TNRC6B: variants seen among roughly 807,000 people sequenced by gnomAD.
TNRC6B encodes the protein trinucleotide repeat containing adaptor 6B, also known as trinucleotide repeat-containing gene 6B protein.
Under a neutral mutation model 203.6 loss-of-function variants are expected in TNRC6B, and 52 were observed. The observed-to-expected ratio is 0.26, with a 90% CI of 0.20 to 0.32. TNRC6B has a LOEUF of 0.32. Ranked by LOEUF, TNRC6B falls within the 10% of genes least tolerant of loss-of-function variation. The pLI is 1.00. For synonymous variants in TNRC6B, 838 were observed against 845.7 expected (o/e 0.99, Z 0.16); for missense variants, 1,923 against 2,286.2 (o/e 0.84, Z 3.24).
rs1410269636 is a variant in TNRC6B, at chr22:40,059,488, TGAACA to T, written c.-121+14494_-121+14498del. 2.0e-5 allele frequency among the ~76,000 whole-genome samples: 3 copies of T among 152,348 alleles called. No homozygotes were observed. The East Asian group carries it at 5.8e-4, about 29-fold the overall frequency. The stretch of plus-strand genomic sequence containing the variant: ...CTGGCTAGTACTTCGAGTACCATGC[TGAACA>T]GAAGTGATACGAGTGGGCATTCTTG... On this transcript the variant is annotated intron_variant, in intron 1 of 23. Coordinates refer to the TNRC6B transcript ENST00000301923.
rs1223063876 is a variant in TNRC6B, at chr22:40,323,443, A to G, written c.*202A>G. ...TATAACTTCAGTTTTTTCGTTTGGA[A>G]TATGAATCCAAAAAGAGAACATATC... On this transcript the variant is annotated 3_prime_UTR_variant, in exon 23 of 23. Coordinates refer to ENST00000454349, the MANE Select transcript of TNRC6B (RefSeq NM_001162501.2). 2 of 552,196 alleles carry G rather than the reference A, an allele frequency of 3.6e-6. No homozygotes were observed. Among genetic ancestry groups the G allele is most frequent in the Admixed American group, 3.8e-5 (1 of 26,610 alleles). 34.2% of individuals were successfully genotyped at this position (552,196 alleles called of 1,614,324 possible).
At chr22:40,183,491 G>A (rs79696986) in intron 1 of TNRC6B, among the ~76,000 whole-genome samples, 378 of 152,222 alleles carry the variant, frequency 2.5e-3, no homozygotes, top group Non-Finnish European at 4.2e-3. Flanking sequence ...TTCAGGCTGT[G>A]CCTCTGTGTT....
chr22:40,318,097 A>T (rs368068188), intron 21 of TNRC6B, among the ~76,000 whole-genome samples: 2 of 152,200 alleles, frequency 1.3e-5, no homozygotes, highest in African/African-American at 4.8e-5. Context: ...CTGTGGGGAA[A>T]TACATCTCCT....
intron 3 of TNRC6B, among the ~76,000 whole-genome samples, chr22:40,257,665 G>A (rs1176918875): frequency 1.3e-5 from 2 of 151,972 alleles, no homozygotes; most frequent in Non-Finnish European, 2.9e-5. Context: ...GCAGAGAGCC[G>A]AGATCACGCC....
At chr22:40,227,602 C>T (rs1025949157) in intron 1 of TNRC6B, among the ~76,000 whole-genome samples, 1 of 152,030 alleles carries the variant, frequency 6.6e-6, no homozygotes, top group Non-Finnish European at 1.5e-5. Flanking sequence ...CTGCCCAGCT[C>T]GGCCTCCCAA....
Position 40,325,910 on chromosome 22 carries a change from T to C in TNRC6B, c.*2669T>C, listed in dbSNP as rs1383937468. ...TTACGATACTACGGTGAAAGCCGGG[T>C]GCTAGAGCCCCTCTTGTTTACAAGA... is the stretch of plus-strand genomic sequence containing the variant. On this transcript the variant is annotated 3_prime_UTR_variant, in exon 23 of 23. Coordinates refer to ENST00000454349, the MANE Select transcript of TNRC6B (RefSeq NM_001162501.2). 1 of 152,520 alleles carries C rather than the reference T, an allele frequency of 6.6e-6. No individual in the cohort carries two copies. Among genetic ancestry groups the C allele is most frequent in the Non-Finnish European group, 1.5e-5 (1 of 68,022 alleles). 9.4% of individuals were successfully genotyped at this position (152,520 alleles called of 1,614,324 possible).
At chr22:40,287,942 G>A (rs760302932) in intron 12 of TNRC6B, among the ~76,000 whole-genome samples, 2 of 152,208 alleles carry the variant, frequency 1.3e-5, no homozygotes, top group Non-Finnish European at 2.9e-5. Context: ...CTTAAAGAAT[G>A]AGTCAGAATT....
At chr22:40,293,788 G>A (rs906140037) in intron 12 of TNRC6B, among the ~76,000 whole-genome samples, 3 of 151,978 alleles carry the variant, frequency 2.0e-5, no homozygotes, top group Admixed American at 6.6e-5. Flanking sequence ...TAGCTGTGCC[G>A]CACATGTATT....
intron 21 of TNRC6B, among the ~76,000 whole-genome samples, chr22:40,319,596 T>C (rs894693834): frequency 6.6e-6 from 1 of 152,004 alleles, no homozygotes; most frequent in Non-Finnish European, 1.5e-5. Context: ...GGCTAATTTT[T>C]TTGTGTTTTT....
chr22:40,060,734 T>C (rs928359391), intron 1 of TNRC6B, among the ~76,000 whole-genome samples: 2 of 152,202 alleles, frequency 1.3e-5, no homozygotes, highest in African/African-American at 2.4e-5. Context: ...TCCAAAAGTC[T>C]TTTCCCAGTA....
chr22:40,313,444 A>AG (rs2071214207), intron 19 of TNRC6B, among the ~76,000 whole-genome samples: 1 of 152,138 alleles, frequency 6.6e-6, no homozygotes, highest in Admixed American at 6.5e-5. Flanking sequence ...AAAAAAAAAA[A>AG]GGACCTTGAT....
rs529895182 is a variant in TNRC6B, at chr22:40,283,240, A to G, written c.3582+1951A>G. ...TTTTTAGTAGAGATGGAGTTTCACC[A>G]TGTTAGCCGGGATGGTCTCAATCTC... On this transcript the variant is annotated intron_variant, in intron 11 of 22. Transcript: ENST00000454349. 7.2e-4 allele frequency among the ~76,000 whole-genome samples: 109 copies of G among 152,158 alleles called. 1 individual carries two copies. Among genetic ancestry groups the G allele is most frequent in the Middle Eastern group, 3.4e-3 (1 of 294 alleles).
chr22:40,088,448 G>C (rs1286011095), intron 1 of TNRC6B, among the ~76,000 whole-genome samples: 2 of 152,134 alleles, frequency 1.3e-5, no homozygotes, highest in African/African-American at 2.4e-5. Flanking sequence ...GTCTCACACT[G>C]TTGCCCAGGC....
At chr22:40,281,038 T>G in intron 10 of TNRC6B, 81 bp from the exon 11 acceptor site, 2 of 1,201,300 alleles carry the variant, frequency 1.7e-6, no homozygotes, top group East Asian at 2.7e-5. Flanking sequence ...ATTGCTAGTG[T>G]TTCTCTCTTT....
intron 3 of TNRC6B, among the ~76,000 whole-genome samples, chr22:40,151,030 G>A (rs1467326881): frequency 2.0e-5 from 3 of 152,108 alleles, no homozygotes; most frequent in African/African-American, 7.2e-5. Flanking sequence ...TCAGACATTT[G>A]ATAAAAATCT....
intron 1 of TNRC6B, among the ~76,000 whole-genome samples, chr22:40,049,075 T>G (rs1436809197): frequency 6.6e-6 from 1 of 152,074 alleles, no homozygotes; most frequent in Non-Finnish European, 1.5e-5. Context: ...ATTTGTTCAT[T>G]TATTTAAAAC....
chr22:40,174,428 A>C (rs914067658), upstream of TNRC6B, among the ~76,000 whole-genome samples: 9 of 151,902 alleles, frequency 5.9e-5, no homozygotes, highest in African/African-American at 2.2e-4. Context: ...TGATCCACCC[A>C]CCTCGGCGTC....
At chr22:40,277,916 G>T in intron 8 of TNRC6B, 83 bp from the exon 9 acceptor site, 1 of 1,018,380 alleles carries the variant, frequency 9.8e-7, no homozygotes. Flanking sequence ...GTAGTAAGAC[G>T]TGGCTCTCAG....
At chr22:40,066,245 A>G (rs1351698712) in intron 1 of TNRC6B, among the ~76,000 whole-genome samples, 1 of 152,104 alleles carries the variant, frequency 6.6e-6, no homozygotes, top group Non-Finnish European at 1.5e-5. Context: ...TCACTGTCCC[A>G]TGCTGCCTGT....
Sources: gnomAD v4.1 joint callset for allele counts (sites outside exome capture counted in the v4.1 genomes callset) on GRCh38, gnomAD v4.1.1 for gene constraint, MANE v1.5 for transcripts, NCBI Gene and HGNC (gene_info 2026-07-23, HGNC 2026-07-21) for gene names.